Variants in TENM2 observed in about 807,000 individuals in gnomAD.
TENM2 encodes teneurin-2.
A neutral mutation model predicts 245.2 loss-of-function variants in TENM2; 52 were observed. That is an observed-to-expected ratio of 0.21 (90% confidence interval 0.17 to 0.27). The LOEUF (loss-of-function observed/expected upper bound fraction) is 0.27, where lower values mean the gene tolerates loss of function less well. TENM2 is among the 10% of genes least tolerant of loss of function. TENM2 has a pLI of 1.00. For synonymous variants in TENM2, 1,363 were observed against 1,438.9 expected, an observed-to-expected ratio of 0.95 and a Z score of 1.19; for missense variants, 3,046 against 3,666.8, an observed-to-expected ratio of 0.83 and a Z score of 4.37.
chr5:167,315,626 A>AT, intron 1 of TENM2, among the ~76,000 whole-genome samples: 1 of 152,224 alleles, frequency 6.6e-6, no homozygotes, highest in South Asian at 2.1e-4. Context: ...AGTGAGGATG[A>AT]TTTTTTTCAA....
the TENM2 span, among the ~76,000 whole-genome samples, chr5:167,112,789 A>G: frequency 2.0e-5 from 3 of 152,218 alleles, no homozygotes; most frequent in Non-Finnish European, 4.4e-5. Context: ...CTGAAATTCC[A>G]GGGAGCTTTC....
chr5:167,663,573 A>G (rs1021921410), intron 2 of TENM2, among the ~76,000 whole-genome samples: 18 of 152,208 alleles, frequency 1.2e-4, no homozygotes, highest in African/African-American at 4.3e-4. Flanking sequence ...TATTGTATCT[A>G]GGATTTTTTG....
At chr5:168,006,395 A>G (rs908773916) in intron 5 of TENM2, among the ~76,000 whole-genome samples, 12 of 152,332 alleles carry the variant, frequency 7.9e-5, no homozygotes, top group Non-Finnish European at 1.2e-4. Flanking sequence ...CCACATGTGC[A>G]TATAGATTCT....
intron 2 of TENM2, among the ~76,000 whole-genome samples, chr5:167,746,495 A>G (rs1466154105): frequency 6.6e-6 from 1 of 152,198 alleles, no homozygotes; most frequent in Non-Finnish European, 1.5e-5. Context: ...CCTTGAGGTC[A>G]GCATAATGGG....
chr5:167,444,167 AAAG>A (rs922770894), intron 2 of TENM2, among the ~76,000 whole-genome samples: 3 of 152,144 alleles, frequency 2.0e-5, no homozygotes, highest in African/African-American at 4.8e-5. Flanking sequence ...TCTTTGTCAT[AAAG>A]AAGAACCACC....
chr5:167,961,115 G>C (rs990377928), intron 4 of TENM2, among the ~76,000 whole-genome samples: 1 of 152,224 alleles, frequency 6.6e-6, no homozygotes, highest in Non-Finnish European at 1.5e-5. Flanking sequence ...GATCTCACTG[G>C]GAGCTGCAGA....
At chr5:167,776,811 A>G (rs1300648533) in intron 2 of TENM2, among the ~76,000 whole-genome samples, 2 of 151,988 alleles carry the variant, frequency 1.3e-5, no homozygotes, top group Non-Finnish European at 2.9e-5. Context: ...AGAGCAAGAA[A>G]TTAAAAGGCT....
the TENM2 span, among the ~76,000 whole-genome samples, chr5:167,235,562 A>G: frequency 4.6e-5 from 7 of 152,200 alleles, no homozygotes; most frequent in South Asian, 4.1e-4. Flanking sequence ...TGCAAATGCT[A>G]TAGTGATTTT....
At chr5:167,084,998 A>T in the TENM2 span, among the ~76,000 whole-genome samples, 1 of 152,206 alleles carries the variant, frequency 6.6e-6, no homozygotes, top group Non-Finnish European at 1.5e-5. Flanking sequence ...TTTATTATCA[A>T]ATTTGCAATT....
the TENM2 span, among the ~76,000 whole-genome samples, chr5:167,074,450 C>T: frequency 4.6e-5 from 7 of 152,134 alleles, no homozygotes; most frequent in Admixed American, 4.6e-4. Flanking sequence ...ATACAATGAT[C>T]AGCCTGGTTG....
At chr5:168,230,332 A>G (rs1562311049) in intron 25 of TENM2, among the ~76,000 whole-genome samples, 1 of 152,118 alleles carries the variant, frequency 6.6e-6, no homozygotes, top group East Asian at 1.9e-4. Context: ...TGAAAATGTA[A>G]TTTGAAAATG....
intron 1 of TENM2, among the ~76,000 whole-genome samples, chr5:167,301,622 G>A (rs1175092858): frequency 6.6e-6 from 1 of 152,168 alleles, no homozygotes; most frequent in African/African-American, 2.4e-5. Flanking sequence ...ATAATAAAAT[G>A]TATATTGAGC....
At chr5:167,488,893 A>G (rs1768253282) in intron 2 of TENM2, among the ~76,000 whole-genome samples, 1 of 152,120 alleles carries the variant, frequency 6.6e-6, no homozygotes, top group Non-Finnish European at 1.5e-5. Flanking sequence ...GTTAATGGTT[A>G]CTTCATCCTT....
At chr5:167,825,973 TG>T (rs1767941260) in intron 2 of TENM2, among the ~76,000 whole-genome samples, 1 of 152,130 alleles carries the variant, frequency 6.6e-6, no homozygotes, top group African/African-American at 2.4e-5. Flanking sequence ...AGCTCATGTT[TG>T]TTCATTTTTC....
At chr5:168,260,733 G>A (rs902138710) in intron 28 of TENM2, among the ~76,000 whole-genome samples, 6 of 152,160 alleles carry the variant, frequency 3.9e-5, no homozygotes, top group Non-Finnish European at 7.3e-5. Context: ...CTGCCTATAA[G>A]ATCATAACCC....
the TENM2 span, among the ~76,000 whole-genome samples, chr5:167,060,515 G>A: frequency 2.0e-5 from 3 of 151,796 alleles, no homozygotes; most frequent in Non-Finnish European, 2.9e-5. Context: ...GCCAGGCATG[G>A]TGGTGAGCAC....
the TENM2 span, among the ~76,000 whole-genome samples, chr5:167,235,177 G>C: frequency 6.6e-6 from 1 of 152,136 alleles, no homozygotes; most frequent in African/African-American, 2.4e-5. Context: ...TAATCCCTCT[G>C]TGCTTGTCTG....
chr5:167,641,127 C>T (rs1162788966), intron 2 of TENM2, among the ~76,000 whole-genome samples: 1 of 151,544 alleles, frequency 6.6e-6, no homozygotes, highest in Non-Finnish European at 1.5e-5. Context: ...TTGAATAAGG[C>T]AAACAAAATA....
At chr5:167,929,373 C>T (rs1778108412) in intron 3 of TENM2, among the ~76,000 whole-genome samples, 1 of 152,080 alleles carries the variant, frequency 6.6e-6, no homozygotes, top group Non-Finnish European at 1.5e-5. Flanking sequence ...AATGAAATTG[C>T]CCTAGTCTAG....
Sources: gnomAD v4.1 joint callset for allele counts (sites outside exome capture counted in the v4.1 genomes callset) on GRCh38, gnomAD v4.1.1 for gene constraint, MANE v1.5 for transcripts, NCBI Gene and HGNC (gene_info 2026-07-23, HGNC 2026-07-21) for gene names.